PTPRD: variants seen among roughly 807,000 people sequenced by gnomAD.
PTPRD encodes the protein protein tyrosine phosphatase receptor type D, also known as receptor-type tyrosine-protein phosphatase delta.
PTPRD carries 34 observed loss-of-function variants against 214.5 expected under a neutral mutation model. The observed-to-expected ratio is 0.16, with a 90% confidence interval of 0.12 to 0.21. The LOEUF is 0.21. PTPRD is among the 10% of genes least tolerant of loss of function. The probability of loss-of-function intolerance (pLI) is 1.00; values close to 1 mark genes in which losing one functional copy is unlikely to be tolerated. For synonymous variants in PTPRD, 1,128 were observed against 845.7 expected, an observed-to-expected ratio of 1.33 and a Z score of -5.79; for missense variants, 2,545 against 2,398.7, an observed-to-expected ratio of 1.06 and a Z score of -1.27.
intron 6 of PTPRD, among the ~76,000 whole-genome samples, chr9:9,755,639 G>T (rs2098561622): frequency 6.6e-6 from 1 of 151,954 alleles, no homozygotes; most frequent in South Asian, 2.1e-4. Context: ...GATACAGCTT[G>T]GTTGCTTTGT....
chr9:8,582,210 A>G (rs1299471013), intron 14 of PTPRD, among the ~76,000 whole-genome samples: 1 of 152,196 alleles, frequency 6.6e-6, no homozygotes, highest in Non-Finnish European at 1.5e-5. Context: ...CAGTGTTGGG[A>G]CAACTATGCA....
chr9:10,107,701 A>G (rs928920418), intron 3 of PTPRD, among the ~76,000 whole-genome samples: 11 of 152,226 alleles, frequency 7.2e-5, no homozygotes, highest in Middle Eastern at 3.4e-3. Flanking sequence ...TTTCCACAGT[A>G]TCTGGTAAAT....
chr9:9,911,558 T>C (rs748326389), intron 5 of PTPRD, among the ~76,000 whole-genome samples: 1 of 150,488 alleles, frequency 6.6e-6, no homozygotes. Flanking sequence ...AAATTTATAA[T>C]CATTTTAATA....
intron 10 of PTPRD, among the ~76,000 whole-genome samples, chr9:9,181,085 A>C (rs1251723911): frequency 1.3e-5 from 2 of 152,104 alleles, no homozygotes; most frequent in Admixed American, 6.6e-5. Context: ...CTAACTCTTT[A>C]GCTGTGAGAG....
chr9:10,082,490 A>C (rs2098256534), intron 3 of PTPRD, among the ~76,000 whole-genome samples: 1 of 152,062 alleles, frequency 6.6e-6, no homozygotes, highest in South Asian at 2.1e-4. Context: ...ACAGCAAACA[A>C]TTCTATCAAC....
At chr9:8,405,751 T>A (rs1909758) in intron 35 of PTPRD, among the ~76,000 whole-genome samples, 25,753 of 152,184 alleles carry the variant, frequency 0.17, 2,568 homozygotes, top group Non-Finnish European at 0.23. Context: ...GTAATTTTTT[T>A]AAAATATACT....
At chr9:8,544,467 CTTTTTT>C in intron 14 of PTPRD, among the ~76,000 whole-genome samples, 1 of 116,204 alleles carries the variant, frequency 8.6e-6, no homozygotes, top group South Asian at 2.8e-4. Flanking sequence ...AAAAAAATAA[CTTTTTT>C]TTTTTTTTTT....
chr9:8,882,421 C>A (rs1349341258), intron 11 of PTPRD, among the ~76,000 whole-genome samples: 1 of 152,116 alleles, frequency 6.6e-6, no homozygotes, highest in East Asian at 1.9e-4. Context: ...AGACCAGAAG[C>A]CAGGTCTTCT....
At chr9:9,298,741 T>C (rs1334775931) in intron 9 of PTPRD, among the ~76,000 whole-genome samples, 1 of 151,782 alleles carries the variant, frequency 6.6e-6, no homozygotes, top group Non-Finnish European at 1.5e-5. Context: ...ATTCCTCCTC[T>C]TCTCTGAATT....
At chr9:10,605,826 CT>C (rs1165045855) in intron 2 of PTPRD, among the ~76,000 whole-genome samples, 1 of 151,760 alleles carries the variant, frequency 6.6e-6, no homozygotes, top group Admixed American at 6.6e-5. Flanking sequence ...CTCAGCACTC[CT>C]TGACACATAG....
chr9:8,972,659 C>A (rs1328857559), intron 11 of PTPRD, among the ~76,000 whole-genome samples: 2 of 151,906 alleles, frequency 1.3e-5, no homozygotes, highest in Non-Finnish European at 2.9e-5. Flanking sequence ...AAAAACACTT[C>A]ACGGATGCAA....
rs571682311 is a variant in PTPRD at position 9,282,889 on chromosome 9, AT to A, written c.-202-99527del. ...TGTTAGGAGCACATTATAAGTTGTC[AT>A]TTTTATAGAGTTAGTTATGTGAACC... is the stretch of plus-strand genomic sequence containing the variant. On this transcript the variant is annotated intron_variant, in intron 9 of 45. Coordinates refer to ENST00000381196, the MANE Select transcript of PTPRD (RefSeq NM_002839.4). Among the ~76,000 whole-genome samples, 530 of 151,616 alleles carry A rather than the reference AT, an allele frequency of 3.5e-3. 3 individuals are homozygous for A. Among genetic ancestry groups the A allele is most frequent in the African/African-American group, 0.012 (511 of 41,480 alleles).
intron 4 of PTPRD, among the ~76,000 whole-genome samples, chr9:10,029,233 C>T (rs1257539338): frequency 6.6e-6 from 1 of 152,146 alleles, no homozygotes; most frequent in Non-Finnish European, 1.5e-5. Context: ...GTGGGGTGCT[C>T]ATGGAGAACC....
rs544356286 is a variant in PTPRD at position 9,995,650 on chromosome 9, A to C, written c.-472+38068T>G. Among the ~76,000 whole-genome samples the C allele has an allele frequency of 9.3e-4, 142 of 152,250 alleles. No individual in the cohort carries two copies. In the Middle Eastern group the frequency reaches 0.048, roughly 51 times the overall value. On this transcript the variant is annotated intron_variant, in intron 4 of 45. Coordinates refer to ENST00000381196, the MANE Select transcript of PTPRD (RefSeq NM_002839.4). ...TCCTCCTGTTTTGCTCTTAGGCCTT[A>C]GAAGTAACTCCCTGCTGTTTCCACG...
chr9:9,851,776 T>C (rs769472308), intron 5 of PTPRD, among the ~76,000 whole-genome samples: 13 of 152,166 alleles, frequency 8.5e-5, no homozygotes, highest in Non-Finnish European at 1.2e-4. Context: ...CGAGACCCTG[T>C]CTCAATTAAA....
At chr9:10,160,830 G>T (rs1220184290) in intron 3 of PTPRD, among the ~76,000 whole-genome samples, 1 of 151,758 alleles carries the variant, frequency 6.6e-6, no homozygotes, top group Non-Finnish European at 1.5e-5. Flanking sequence ...AAAACCTGAA[G>T]ACAACATAAA....
At chr9:8,574,292 T>G (rs2091899260) in intron 14 of PTPRD, among the ~76,000 whole-genome samples, 1 of 152,070 alleles carries the variant, frequency 6.6e-6, no homozygotes, top group Non-Finnish European at 1.5e-5. Context: ...TGGCACTGTC[T>G]ATCAATAAAT....
At chr9:9,352,141 C>T (rs2051460590) in intron 9 of PTPRD, among the ~76,000 whole-genome samples, 3 of 151,618 alleles carry the variant, frequency 2.0e-5, no homozygotes, top group Non-Finnish European at 4.4e-5. Context: ...ATTTTTGTCC[C>T]CCACATATCT....
intron 14 of PTPRD, among the ~76,000 whole-genome samples, chr9:8,560,291 G>C (rs1490748499): frequency 6.6e-6 from 1 of 151,998 alleles, no homozygotes; most frequent in African/African-American, 2.4e-5. Flanking sequence ...AAATCTTTAA[G>C]AGATAACATG....
Sources: allele counts gnomAD v4.1 joint callset (sites outside exome capture counted in the v4.1 genomes callset), GRCh38; gene constraint gnomAD v4.1.1; transcripts MANE v1.5; gene names NCBI Gene and HGNC (gene_info 2026-07-23, HGNC 2026-07-21).